The following SLC1A2 variants were observed in gnomAD, a reference collection of about 807,000 sequenced individuals.
SLC1A2 encodes solute carrier family 1 member 2.
A neutral mutation model predicts 48.8 loss-of-function variants in SLC1A2; 15 were observed. That is an observed-to-expected ratio of 0.31 (90% confidence interval 0.21 to 0.47). The LOEUF (loss-of-function observed/expected upper bound fraction) is 0.47, where lower values mean the gene tolerates loss of function less well. Ranked by LOEUF, SLC1A2 falls within the 20% of genes least tolerant of loss-of-function variation. The pLI is 0.99. For synonymous variants in SLC1A2, 279 were observed against 272.6 expected (o/e 1.02, Z -0.23); for missense variants, 502 against 730.5 (o/e 0.69, Z 3.61).
intron 1 of SLC1A2, among the ~76,000 whole-genome samples, chr11:35,368,727 G>A (rs1354419123): frequency 6.6e-6 from 1 of 152,198 alleles, no homozygotes; most frequent in African/African-American, 2.4e-5. Flanking sequence ...GAAATACAGA[G>A]AACAATGGTG....
intron 1 of SLC1A2, among the ~76,000 whole-genome samples, chr11:35,320,787 G>C (rs1852033262): frequency 6.6e-6 from 1 of 152,180 alleles, no homozygotes; most frequent in South Asian, 2.1e-4. Context: ...CCATATTACA[G>C]GCACCATACT....
rs144357056 is a variant in SLC1A2 at position 35,265,540 on chromosome 11, A to G, written c.1640T>C (p.Val547Ala). Residue 547 changes from valine to alanine, a missense_variant, in exon 10 of 11, where the codon GTA becomes GCA. Val to Ala is a moderately conservative substitution (Grantham distance 64, BLOSUM62 0). Coordinates refer to ENST00000278379, the MANE Select transcript of SLC1A2 (RefSeq NM_004171.4). ...TGGGAAATGTACCTTGCATTCATCT[A>G]CTATGACAGAGTTGTGTGCAGCATA... The part of the protein sequence containing the change: ...CVYAAHNSVI[V>A]DECKVTLAAN... The G allele has an allele frequency of 2.6e-6, 4 of 1,567,844 alleles. No homozygotes were observed. In the African/African-American group the frequency reaches 5.4e-5, roughly 21 times the overall value.
At chr11:35,345,279 C>A (rs956586395) in intron 1 of SLC1A2, among the ~76,000 whole-genome samples, 2 of 152,170 alleles carry the variant, frequency 1.3e-5, no homozygotes, top group African/African-American at 4.8e-5. Flanking sequence ...AACGTGCAGA[C>A]CTTGCTCCTG....
At chr11:35,370,877 G>A in intron 1 of SLC1A2, 1 of 825,464 alleles carries the variant, frequency 1.2e-6, no homozygotes, top group Non-Finnish European at 1.5e-6. Context: ...CATGCTGAGT[G>A]GCCCAGGAAA....
chr11:35,292,688 C>T (rs530545530), intron 6 of SLC1A2, among the ~76,000 whole-genome samples, 168 bp from the exon 7 acceptor site: 1 of 152,136 alleles, frequency 6.6e-6, no homozygotes, highest in Non-Finnish European at 1.5e-5. Flanking sequence ...CTTCCCTTAA[C>T]CAAAATCTGT....
chr11:35,303,803 TG>T (rs34697063), intron 5 of SLC1A2, among the ~76,000 whole-genome samples: 51,809 of 151,832 alleles, frequency 0.34, 9,961 homozygotes, highest in South Asian at 0.56. Context: ...AGGAGAGAAA[TG>T]GTTCCTTAAA....
Position 35,374,270 on chromosome 11 carries a change from A to ATT in SLC1A2, c.17+44679_17+44680insAA, listed in dbSNP as rs1157096216. ...GACACTCCCGAAGCTGAGAAATGGAACTCTTAACATTCAGGGATGTGGCCA... is the reference window on the plus strand; with the variant it reads ...GACACTCCCGAAGCTGAGAAATGGAATTCTCTTAACATTCAGGGATGTGGCCA... On this transcript the variant is annotated intron_variant, in intron 1 of 10. Transcript: ENST00000278379. 4.1e-6 allele frequency: 4 copies of ATT among 984,214 alleles called. No homozygotes were observed. The Admixed American group carries it at 8.1e-5, about 20-fold the overall frequency. 61.0% of individuals were successfully genotyped at this position (984,214 alleles called of 1,614,324 possible). A position where few individuals can be genotyped will look rare whatever the true frequency, so the allele number is the denominator to read the frequency against.
chr11:35,352,895 T>C (rs1853314981), intron 1 of SLC1A2, among the ~76,000 whole-genome samples: 1 of 152,154 alleles, frequency 6.6e-6, no homozygotes, highest in African/African-American at 2.4e-5. Flanking sequence ...TGGGGAAGCA[T>C]GTGCCTGGGC....
chr11:35,297,385 C>T (rs1159125739), intron 6 of SLC1A2, among the ~76,000 whole-genome samples: 1 of 152,146 alleles, frequency 6.6e-6, no homozygotes, highest in Non-Finnish European at 1.5e-5. Context: ...GTTGTACTTG[C>T]AAGTGAGCCC....
At chr11:35,395,350 T>C (rs1325583837) in intron 1 of SLC1A2, among the ~76,000 whole-genome samples, 1 of 152,082 alleles carries the variant, frequency 6.6e-6, no homozygotes, top group East Asian at 1.9e-4. Context: ...AAAGTCATTG[T>C]ATGTGTGAAG....
rs141142347 is a variant in SLC1A2 at position 35,412,185 on chromosome 11, A to G, written c.17+6765T>C. 1.7e-4 allele frequency among the ~76,000 whole-genome samples: 26 copies of G among 152,318 alleles called. No homozygotes were observed. In the East Asian group the frequency reaches 4.4e-3, roughly 26 times the overall value. On this transcript the variant is annotated intron_variant, in intron 1 of 10. Coordinates refer to ENST00000278379, the MANE Select transcript of SLC1A2 (RefSeq NM_004171.4). ...AAAAACCTAAAAACTCAGTAACAGC[A>G]TAAAATCAAAACTTCTCTAAGTTCC...
intron 4 of SLC1A2, among the ~76,000 whole-genome samples, chr11:35,308,689 G>T (rs145336822): frequency 3.3e-5 from 5 of 152,128 alleles, no homozygotes; most frequent in African/African-American, 1.2e-4. Context: ...CCTCCCAAAG[G>T]GTCCACTTAT....
intron 6 of SLC1A2, chr11:35,297,632 A>G (rs957005191): frequency 2.0e-5 from 3 of 152,180 alleles, no homozygotes; most frequent in Admixed American, 6.5e-5. Flanking sequence ...TTTCTGTTTA[A>G]GTTTTTCAAA....
At position 35,260,888 on chromosome 11, in the gene SLC1A2, A is replaced by ATAT; in HGVS notation, c.*3_*5dup. On this transcript the variant is annotated 3_prime_UTR_variant, in exon 11 of 11. Transcript: ENST00000278379. ...TTTATTCAAGAATTTGCTGAGACTC[A>ATAT]TATCCTTATTTCTCACGTTTCCAAG... is the stretch of plus-strand genomic sequence containing the variant. The ATAT allele has an allele frequency of 6.2e-7, 1 of 1,604,836 alleles. No homozygotes were observed. Among genetic ancestry groups the ATAT allele is most frequent in the Non-Finnish European group, 8.5e-7 (1 of 1,171,580 alleles).
intron 1 of SLC1A2, 33 bp downstream of exon 1, chr11:35,418,917 C>A: frequency 6.4e-7 from 1 of 1,551,116 alleles, no homozygotes; most frequent in Non-Finnish European, 8.7e-7. Flanking sequence ...CGTGACCCCG[C>A]TTTCCCGCGG....
intron 1 of SLC1A2, among the ~76,000 whole-genome samples, chr11:35,382,492 T>A (rs1854460117): frequency 1.3e-5 from 2 of 152,322 alleles, no homozygotes; most frequent in South Asian, 4.1e-4. Context: ...GGACAAAGCA[T>A]AAGTTTTAAC....
intron 1 of SLC1A2, among the ~76,000 whole-genome samples, chr11:35,411,093 G>T (rs1014176985): frequency 6.6e-6 from 1 of 152,198 alleles, no homozygotes; most frequent in African/African-American, 2.4e-5. Context: ...CAAATGCTAA[G>T]ATTCTATGAT....
At chr11:35,361,932 C>T (rs1853694045) in intron 1 of SLC1A2, among the ~76,000 whole-genome samples, 1 of 152,194 alleles carries the variant, frequency 6.6e-6, no homozygotes, top group African/African-American at 2.4e-5. Flanking sequence ...GCCACGTTCA[C>T]ACCACTGCAC....
At chr11:35,277,061 T>C (rs3794098) in intron 9 of SLC1A2, among the ~76,000 whole-genome samples, 55,682 of 152,004 alleles carry the variant, frequency 0.37, 10,546 homozygotes, top group South Asian at 0.53. Flanking sequence ...TTCACCCTTT[T>C]ATAATGCACC....
Sources: gnomAD v4.1 joint callset for allele counts (sites outside exome capture counted in the v4.1 genomes callset) on GRCh38, gnomAD v4.1.1 for gene constraint, MANE v1.5 for transcripts, NCBI Gene and HGNC (gene_info 2026-07-23, HGNC 2026-07-21) for gene names.